Variants in CREBBP observed in about 807,000 individuals in gnomAD.
The protein encoded by CREBBP is CREB binding lysine acetyltransferase.
Under a neutral mutation model 265.0 loss-of-function variants are expected in CREBBP, and 19 were observed. That is an observed-to-expected ratio of 0.07 (90% CI 0.05 to 0.11). The LOEUF is 0.11. CREBBP is among the 10% of genes least tolerant of loss of function. The pLI is 1.00. For synonymous variants in CREBBP, 1,457 were observed against 1,223.7 expected (o/e 1.19, Z -3.98); for missense variants, 2,525 against 3,219.0 (o/e 0.78, Z 5.22).
At position 3,767,812 on chromosome 16, in the gene CREBBP, G is replaced by C. The variant is rs142008620; in HGVS notation, c.3158C>G (p.Pro1053Arg). ...CTCTTTAACTTCTACTTTCACTTCA[G>C]GTTTCTTTTCATCCACTTCCATTGG... The part of the protein sequence containing the change: ...SEPMEVDEKK[P>R]EVKVEVKEEE... Residue 1053 changes from proline to arginine, a missense_variant, in exon 16 of 31, where the codon CCT (proline) becomes CGT (arginine). Coordinates refer to ENST00000262367, the MANE Select transcript of CREBBP (RefSeq NM_004380.3). 1 of 1,614,100 alleles carries C rather than the reference G, an allele frequency of 6.2e-7. No homozygotes were observed. The highest frequency in any genetic ancestry group is 8.5e-7 in the Non-Finnish European group (1 of 1,179,972).
intron 1 of CREBBP, 70 bp from the exon 2 acceptor site, chr16:3,851,079 A>G: frequency 1.6e-5 from 22 of 1,350,900 alleles, no homozygotes; most frequent in Non-Finnish European, 2.3e-5. Context: ...CCACGTTTCT[A>G]TGATCTTAAC....
chr16:3,840,164 T>C (rs1185296571), intron 2 of CREBBP, among the ~76,000 whole-genome samples: 3 of 152,206 alleles, frequency 2.0e-5, no homozygotes, highest in Admixed American at 6.5e-5. Flanking sequence ...AATATAAAAT[T>C]CCCTTATTTC....
chr16:3,746,417 C>T (rs547596941), intron 21 of CREBBP, among the ~76,000 whole-genome samples: 49 of 152,266 alleles, frequency 3.2e-4, no homozygotes, highest in Non-Finnish European at 4.9e-4. Context: ...TCTGACAGCC[C>T]GGCTCTGTCT....
Position 3,779,177 on chromosome 16 carries a change from G to GAA in CREBBP, c.1824-362_1824-361dup, listed in dbSNP as rs1392054732. 6.0e-5 allele frequency among the ~76,000 whole-genome samples: 7 copies of GAA among 117,530 alleles called. No individual in the cohort carries two copies. The South Asian group carries it at 1.3e-3, about 21-fold the overall frequency. 77.1% of individuals were successfully genotyped at this position (117,530 alleles called of 152,430 possible). On this transcript the variant is annotated intron_variant, in intron 8 of 30. Transcript: ENST00000262367. The stretch of plus-strand genomic sequence containing the variant: ...GTCAGACTCCATACCAAAAAAAGAA[G>GAA]AAAAAAAAAAAAAAGACACAGGGTC...
At chr16:3,811,659 T>C (rs553942752) in intron 2 of CREBBP, among the ~76,000 whole-genome samples, 6 of 152,056 alleles carry the variant, frequency 3.9e-5, no homozygotes, top group African/African-American at 9.6e-5. Flanking sequence ...GTCCGGCTAA[T>C]TTTTTTGTAT....
At chr16:3,782,624 C>T (rs2053297834) in intron 6 of CREBBP, 60 bp downstream of exon 6, 1 of 1,604,086 alleles carries the variant, frequency 6.2e-7, no homozygotes, top group Non-Finnish European at 8.5e-7. Context: ...GGTTCCATCA[C>T]TCCATTCCCT....
intron 2 of CREBBP, among the ~76,000 whole-genome samples, chr16:3,849,876 T>C (rs148980638): frequency 1.3e-5 from 2 of 152,092 alleles, no homozygotes; most frequent in African/African-American, 4.8e-5. Flanking sequence ...CTTGTTAACA[T>C]AGCAGGGAGT....
chr16:3,751,555 G>A (rs2052474310), intron 20 of CREBBP, among the ~76,000 whole-genome samples, 171 bp downstream of exon 20: 1 of 152,210 alleles, frequency 6.6e-6, no homozygotes, highest in Non-Finnish European at 1.5e-5. Flanking sequence ...TAGTGCCACT[G>A]CACACCACCC....
rs1282498604 is a variant in CREBBP at position 3,729,040 on chromosome 16, G to A, written c.6007C>T (p.Pro2003Ser). Residue 2003 changes from proline (P) to serine (S), a missense_variant, in exon 31 of 31, where the codon CCC (proline) becomes TCC (serine). Pro to Ser is a moderately conservative substitution (Grantham distance 74, BLOSUM62 -1). This residue lies in a region of CREBBP where 275 missense variants were observed against 276.5 expected (regional missense o/e 0.99). Coordinates refer to ENST00000262367, the MANE Select transcript of CREBBP (RefSeq NM_004380.3). ...SQMAPVSLNV[P>S]RPNQVSGPVM... The stretch of plus-strand genomic sequence containing the variant: ...GGCCCGCTCACCTGGTTGGGTCGGG[G>A]CACATTCAGGCTCACGGGGGCCATC... 2 of 1,587,784 alleles carry A rather than the reference G, an allele frequency of 1.3e-6. No individual in the cohort carries two copies. Among genetic ancestry groups the A allele is most frequent in the African/African-American group, 1.3e-5 (1 of 74,662 alleles).
intron 1 of CREBBP, among the ~76,000 whole-genome samples, chr16:3,855,308 C>A (rs73503928): frequency 8.3e-4 from 126 of 152,300 alleles, no homozygotes; most frequent in African/African-American, 2.9e-3. Context: ...CTGTTGCCCA[C>A]GCTAGATGGA....
intron 2 of CREBBP, among the ~76,000 whole-genome samples, chr16:3,833,728 G>A (rs1269984889): frequency 1.3e-5 from 2 of 152,146 alleles, no homozygotes; most frequent in Non-Finnish European, 2.9e-5. Flanking sequence ...AATACTTACT[G>A]TAAAGCTAAA....
chr16:3,851,793 G>A (rs1302784666), intron 1 of CREBBP, among the ~76,000 whole-genome samples: 2 of 146,050 alleles, frequency 1.4e-5, no homozygotes, highest in Non-Finnish European at 3.0e-5. Flanking sequence ...AGCGGAGCTT[G>A]CAGTGAGCCG....
At position 3,773,729 on chromosome 16, in the gene CREBBP, CGGTCCCAGT is replaced by C. The variant is rs1567301809; in HGVS notation, c.2463+13_2463+21del. 1.9e-6 allele frequency: 3 copies of C among 1,611,842 alleles called. No homozygotes were observed. The South Asian group carries it at 3.3e-5, about 18-fold the overall frequency. ...AAGAATTTTATTTCCTAGGGAGCCA[CGGTCCCAGT>C]GGGGCACAGTACCTGTGACACGCCT... On this transcript the variant is annotated intron_variant, in intron 13 of 30. Coordinates refer to ENST00000262367, the MANE Select transcript of CREBBP (RefSeq NM_004380.3).
chr16:3,838,587 A>G (rs1231685114), intron 2 of CREBBP, among the ~76,000 whole-genome samples: 3 of 152,212 alleles, frequency 2.0e-5, no homozygotes, highest in African/African-American at 7.2e-5. Flanking sequence ...ATACATAATT[A>G]TAGATAAAAG....
chr16:3,800,463 T>C (rs1471263450), intron 3 of CREBBP, among the ~76,000 whole-genome samples: 1 of 152,104 alleles, frequency 6.6e-6, no homozygotes, highest in Non-Finnish European at 1.5e-5. Flanking sequence ...ATTTTTCCCC[T>C]AAGAGACGAG....
Position 3,748,653 on chromosome 16 carries a change from T to C in CREBBP, c.3836+974A>G, listed in dbSNP as rs554306002. On this transcript the variant is annotated intron_variant, in intron 21 of 30. Coordinates refer to ENST00000262367, the MANE Select transcript of CREBBP (RefSeq NM_004380.3). ...TGAGTCACAGCCCACACTTCCCAAG[T>C]AGCCAACGCTCCTGGAGCCTGTGCT... is the stretch of plus-strand genomic sequence containing the variant. 1.4e-4 allele frequency among the ~76,000 whole-genome samples: 22 copies of C among 152,338 alleles called. No homozygotes were observed. The East Asian group carries it at 4.3e-3, about 29-fold the overall frequency.
chr16:3,756,690 T>C (rs947107059), intron 19 of CREBBP, among the ~76,000 whole-genome samples: 6 of 152,170 alleles, frequency 3.9e-5, no homozygotes, highest in Admixed American at 2.0e-4. Flanking sequence ...TCCTCTGCCT[T>C]ATAGGAAGCA....
At chr16:3,828,221 T>A (rs564152808) in intron 2 of CREBBP, among the ~76,000 whole-genome samples, 1 of 152,140 alleles carries the variant, frequency 6.6e-6, no homozygotes, top group Admixed American at 6.5e-5. Flanking sequence ...GCCTCCCGAG[T>A]AGCTGAGATT....
At chr16:3,839,910 ATC>A (rs2054534367) in intron 2 of CREBBP, among the ~76,000 whole-genome samples, 3 of 152,198 alleles carry the variant, frequency 2.0e-5, no homozygotes, top group Non-Finnish European at 2.9e-5. Flanking sequence ...ATGATTAATT[ATC>A]ATGGGAAGGT....
Sources: allele counts gnomAD v4.1 joint callset (sites outside exome capture counted in the v4.1 genomes callset), GRCh38; gene constraint gnomAD v4.1.1; regional missense constraint gnomAD v4.1.1; transcripts MANE v1.5; gene names NCBI Gene and HGNC (gene_info 2026-07-23, HGNC 2026-07-21).